PLAU: variants seen among roughly 807,000 people sequenced by gnomAD.
PLAU encodes the protein urokinase-type plasminogen activator.
PLAU carries 32 observed loss-of-function variants against 48.9 expected under a neutral mutation model. The observed-to-expected ratio is 0.65, with a 90% CI of 0.49 to 0.88. The LOEUF is 0.88. PLAU is among the 40% of genes least tolerant of loss of function. The probability of loss-of-function intolerance (pLI) is 0.00; values close to 1 mark genes in which losing one functional copy is unlikely to be tolerated. For missense variants in PLAU, 455 were observed against 545.2 expected (o/e 0.83, Z 1.65); for synonymous variants, 199 against 205.7 (o/e 0.97, Z 0.28).
chr10:73,914,164 G>A (rs2096131282), intron 8 of PLAU, 36 bp downstream of exon 8: 1 of 1,609,964 alleles, frequency 6.2e-7, no homozygotes, highest in African/African-American at 1.3e-5. Flanking sequence ...TGGCCATAAT[G>A]GCTTGGGGAG....
In PLAU at chr10:73,916,509, C is replaced by T. The variant is rs746212195; in HGVS notation, c.1240C>T (p.His414Tyr). Residue 414 changes from histidine to tyrosine, a missense_variant, in exon 11 of 11, where the codon CAC becomes TAC. Transcript: ENST00000372764. ...GCCAGGCGTCTACACGAGAGTCTCA[C>T]ACTTCTTACCCTGGATCCGCAGTCA... Reference protein sequence around the residue: ...DKPGVYTRVSHFLPWIRSHTK... With the variant: ...DKPGVYTRVSYFLPWIRSHTK... The T allele has an allele frequency of 1.9e-6, 3 of 1,613,874 alleles. No individual in the cohort carries two copies. The highest frequency in any genetic ancestry group is 3.3e-5 in the Admixed American group (2 of 59,998).
upstream of PLAU, among the ~76,000 whole-genome samples, chr10:73,909,573 G>C (rs916007975): frequency 6.6e-6 from 1 of 152,156 alleles, no homozygotes; most frequent in Non-Finnish European, 1.5e-5. Flanking sequence ...CTGAGCCCTC[G>C]GCTGGGGCAG....
chr10:73,915,244 C>T lies in PLAU; in HGVS notation c.971-7C>T. ...GATGCAAACGCCTCCCTGTTTTCTC[C>T]ACCTAGCCGACTATCTCTATCCGGA... is the stretch of plus-strand genomic sequence containing the variant. On this transcript the variant is annotated splice_region_variant and splice_polypyrimidine_tract_variant and intron_variant, in intron 9 of 10. Coordinates refer to ENST00000372764, the MANE Select transcript of PLAU (RefSeq NM_002658.6). 3.1e-6 allele frequency: 5 copies of T among 1,607,274 alleles called. No homozygotes were observed. Among genetic ancestry groups the T allele is most frequent in the Admixed American group, 1.7e-5 (1 of 58,012 alleles).
intron 7 of PLAU, 104 bp from the exon 8 acceptor site, chr10:73,913,876 C>G: frequency 7.2e-7 from 1 of 1,391,218 alleles, no homozygotes; most frequent in Non-Finnish European, 1.0e-6. Flanking sequence ...TCCATGCAGC[C>G]CATGGCCTTG....
chr10:73,914,716 C>T lies in PLAU; in HGVS notation c.830-60C>T, dbSNP rs563669529. On this transcript the variant is annotated intron_variant, in intron 8 of 10. Coordinates refer to ENST00000372764, the MANE Select transcript of PLAU (RefSeq NM_002658.6). ...CTACTTCCTCGGCACTTGGAGGGGACAGATGGGGACCGCCTAACCAGTAGT... is the reference window on the plus strand; with the variant it reads ...CTACTTCCTCGGCACTTGGAGGGGATAGATGGGGACCGCCTAACCAGTAGT... 1.7e-5 allele frequency: 26 copies of T among 1,537,342 alleles called. No homozygotes were observed. The South Asian group carries it at 3.0e-4, about 18-fold the overall frequency.
At chr10:73,915,538 T>A in intron 10 of PLAU, 139 bp downstream of exon 10, 2 of 774,692 alleles carry the variant, frequency 2.6e-6, no homozygotes, top group Non-Finnish European at 2.0e-6. Context: ...TTTGAGGGTT[T>A]AAACCAGTCC....
Position 73,912,026 on chromosome 10 carries a change from C to A in PLAU, c.58-15C>A, listed in dbSNP as rs1407580571. The A allele has an allele frequency of 6.2e-7, 1 of 1,613,640 alleles. No homozygotes were observed. Among genetic ancestry groups the A allele is most frequent in the East Asian group, 2.2e-5 (1 of 44,872 alleles). On this transcript the variant is annotated splice_polypyrimidine_tract_variant and intron_variant, in intron 2 of 10. Coordinates refer to ENST00000372764, the MANE Select transcript of PLAU (RefSeq NM_002658.6). The stretch of plus-strand genomic sequence containing the variant: ...ATGGGACCTTTGATGAAGCCTCCTC[C>A]CGAATCTCTTCCAGGGCAGCAATGA...
chr10:73,914,144 G>A lies in PLAU; in HGVS notation c.829+16G>A, dbSNP rs773321824. On this transcript the variant is annotated intron_variant, in intron 8 of 10. Coordinates refer to ENST00000372764, the MANE Select transcript of PLAU (RefSeq NM_002658.6). ...AACGACATTGGTGAGGGGGAACCCCGCGACTACTGTGGCCATAATGGCTTG... is the reference window on the plus strand; with the variant it reads ...AACGACATTGGTGAGGGGGAACCCCACGACTACTGTGGCCATAATGGCTTG... 30 of 1,613,256 alleles carry A rather than the reference G, an allele frequency of 1.9e-5. No individual in the cohort carries two copies. Among genetic ancestry groups the A allele is most frequent in the East Asian group, 4.5e-5 (2 of 44,876 alleles).
upstream of PLAU, chr10:73,909,153 G>T: frequency 6.6e-6 from 1 of 152,256 alleles, no homozygotes; most frequent in Non-Finnish European, 1.5e-5. Flanking sequence ...CTTTGTCCAG[G>T]AGGAAATGAA....
chr10:73,914,729 CCT>C, intron 8 of PLAU, 45 bp from the exon 9 acceptor site: 1 of 1,585,112 alleles, frequency 6.3e-7, no homozygotes. Flanking sequence ...ATGGGGACCG[CCT>C]AACCAGTAGT....
chr10:73,915,181 C>T, intron 9 of PLAU, 70 bp from the exon 10 acceptor site: 3 of 1,477,248 alleles, frequency 2.0e-6, no homozygotes, highest in South Asian at 2.5e-5. Context: ...CTTTATGGTT[C>T]CCCTCTCTGG....
chr10:73,910,554 G>A (rs1478467833), upstream of PLAU: 1 of 152,224 alleles, frequency 6.6e-6, no homozygotes. Context: ...AAAGCAATAA[G>A]CCCGGCTTTG....
At position 73,914,043 on chromosome 10, in the gene PLAU, G is replaced by T; in HGVS notation, c.744G>T (p.Thr248=). ...YLGRSRLNSN[T]QGEMKFEVEN... ...GTCGCTCAAGGCTTAACTCCAACACGCAAGGGGAGATGAAGTTTGAGGTGG... is the reference window on the plus strand; with the variant it reads ...GTCGCTCAAGGCTTAACTCCAACACTCAAGGGGAGATGAAGTTTGAGGTGG... The change falls in exon 8 of 11, where the codon ACG becomes ACT. Residue 248 remains threonine, a synonymous_variant. Coordinates refer to ENST00000372764, the MANE Select transcript of PLAU (RefSeq NM_002658.6). 6.2e-7 allele frequency: 1 copy of T among 1,613,740 alleles called. No individual in the cohort carries two copies.
At chr10:73,913,804 A>G in intron 7 of PLAU, 46 bp downstream of exon 7, 1 of 1,475,732 alleles carries the variant, frequency 6.8e-7, no homozygotes, top group Non-Finnish European at 9.3e-7. Context: ...CCCCACCCCA[A>G]GCACATCCCT....
Position 73,914,932 on chromosome 10 carries a change from G to A in PLAU, c.970+16G>A, listed in dbSNP as rs200225644. The A allele has an allele frequency of 5.6e-6, 9 of 1,612,908 alleles. No individual in the cohort carries two copies. The highest frequency in any genetic ancestry group is 6.8e-6 in the Non-Finnish European group (8 of 1,179,186). Reference sequence around the variant, plus strand: ...GAGAATTCTAGTAAGTGACAATTGCGACTGACTTAGAAGGTCCTGAGGAGT... The same window carrying A: ...GAGAATTCTAGTAAGTGACAATTGCAACTGACTTAGAAGGTCCTGAGGAGT... On this transcript the variant is annotated intron_variant, in intron 9 of 10. Coordinates refer to ENST00000372764, the MANE Select transcript of PLAU (RefSeq NM_002658.6).
chr10:73,911,361 C>G (rs1218158836), intron 1 of PLAU, 143 bp downstream of exon 1: 1 of 749,200 alleles, frequency 1.3e-6, no homozygotes, highest in Non-Finnish European at 2.2e-6. Context: ...TCCCGGGCGT[C>G]CCCCGCGGGT....
intron 4 of PLAU, 26 bp downstream of exon 4, chr10:73,912,348 G>A (rs1452993216): frequency 1.2e-6 from 1 of 861,258 alleles, no homozygotes; most frequent in Admixed American, 1.9e-5. Flanking sequence ...CTGCAACTGG[G>A]AGAGAAATTT....
intron 4 of PLAU, 75 bp downstream of exon 4, chr10:73,912,397 G>A: frequency 8.9e-7 from 1 of 1,118,414 alleles, no homozygotes; most frequent in African/African-American, 1.5e-5. Context: ...AGAGCAGGCA[G>A]GAGTTAGGAG....
At chr10:73,915,442 C>G in intron 10 of PLAU, 43 bp downstream of exon 10, 1 of 1,546,636 alleles carries the variant, frequency 6.5e-7, no homozygotes, top group South Asian at 1.2e-5. Flanking sequence ...CCATATCTCC[C>G]CAGAGCTCCT....
Sources: gnomAD v4.1 joint callset for allele counts (sites outside exome capture counted in the v4.1 genomes callset) on GRCh38, gnomAD v4.1.1 for gene constraint, MANE v1.5 for transcripts, NCBI Gene and HGNC (gene_info 2026-07-23, HGNC 2026-07-21) for gene names.